Variants in MMRN1 observed in about 807,000 individuals in gnomAD.
The protein encoded by MMRN1 is multimerin 1.
Under a neutral mutation model 100.7 loss-of-function variants are expected in MMRN1, and 94 were observed. That is an observed-to-expected ratio of 0.93 (90% CI 0.79 to 1.11). The LOEUF (loss-of-function observed/expected upper bound fraction) is 1.11. Ranked by LOEUF, MMRN1 falls within the 50% of genes least tolerant of loss-of-function variation. The pLI, the probability that MMRN1 is intolerant of heterozygous loss-of-function variation, is 0.00. For synonymous variants in MMRN1, 575 were observed against 505.0 expected, an observed-to-expected ratio of 1.14 and a Z score of -1.86; for missense variants, 1,606 against 1,439.1, an observed-to-expected ratio of 1.12 and a Z score of -1.88.
chr4:89,883,952 T>A (rs185854642), intron 1 of MMRN1, among the ~76,000 whole-genome samples: 1,696 of 152,232 alleles, frequency 0.011, 35 homozygotes, highest in African/African-American at 0.038. Flanking sequence ...TTCATTTTTT[T>A]AAATTCACGT....
intron 6 of MMRN1, among the ~76,000 whole-genome samples, chr4:89,944,905 A>G (rs995635602): frequency 6.6e-6 from 1 of 152,188 alleles, no homozygotes; most frequent in Non-Finnish European, 1.5e-5. Flanking sequence ...ATGTTGATAG[A>G]TAGCCTATGA....
chr4:89,927,496 A>G (rs1007559587), intron 4 of MMRN1, among the ~76,000 whole-genome samples: 3 of 151,990 alleles, frequency 2.0e-5, no homozygotes, highest in Admixed American at 6.6e-5. Context: ...TCATTTATCT[A>G]TTCTAATAGT....
intron 1 of MMRN1, among the ~76,000 whole-genome samples, chr4:89,889,581 C>G (rs74664209): frequency 0.026 from 3,897 of 152,232 alleles, 84 homozygotes; most frequent in Non-Finnish European, 0.04. Flanking sequence ...ATTACAAAGT[C>G]CGCCTTCTAG....
At chr4:89,941,036 A>C (rs538742773) in intron 6 of MMRN1, among the ~76,000 whole-genome samples, 9 of 152,296 alleles carry the variant, frequency 5.9e-5, no homozygotes, top group African/African-American at 1.9e-4. Context: ...ACTGAAAATA[A>C]ATGTCAAAGA....
intron 1 of MMRN1, among the ~76,000 whole-genome samples, chr4:89,899,359 A>C (rs545749963): frequency 3.4e-4 from 51 of 152,218 alleles, no homozygotes; most frequent in Admixed American, 9.2e-4. Flanking sequence ...ATGTTGAACA[A>C]ATATTTGCTG....
At chr4:89,904,039 A>G (rs1445602538) in intron 1 of MMRN1, among the ~76,000 whole-genome samples, 6 of 151,706 alleles carry the variant, frequency 4.0e-5, no homozygotes, top group Non-Finnish European at 5.9e-5. Context: ...CTGATCTACG[A>G]GGTGAAAAAA....
intron 1 of MMRN1, among the ~76,000 whole-genome samples, chr4:89,888,584 C>A (rs191899923): frequency 6.6e-6 from 1 of 152,038 alleles, no homozygotes; most frequent in African/African-American, 2.4e-5. Flanking sequence ...GTGTGCTAAA[C>A]CATATGAAAT....
At chr4:89,883,522 G>C (rs1720867390) in intron 1 of MMRN1, among the ~76,000 whole-genome samples, 1 of 152,088 alleles carries the variant, frequency 6.6e-6, no homozygotes, top group Admixed American at 6.6e-5. Context: ...TCACATGTCT[G>C]TTAGCCAGTT....
upstream of MMRN1, among the ~76,000 whole-genome samples, chr4:89,890,899 T>G (rs2110574722): frequency 6.6e-6 from 1 of 152,130 alleles, no homozygotes; most frequent in South Asian, 2.1e-4. Flanking sequence ...TAAACTAATA[T>G]GTTTCTCTCA....
chr4:89,934,136 T>C (rs752242617), intron 5 of MMRN1, among the ~76,000 whole-genome samples: 38 of 152,202 alleles, frequency 2.5e-4, no homozygotes, highest in Admixed American at 7.9e-4. Flanking sequence ...TTTTCTCTTC[T>C]CTTTTTGTTA....
rs1481736765 is a variant in MMRN1 at position 89,936,211 on chromosome 4, T to A, written c.2531T>A (p.Leu844Ter). Residue 844 changes from leucine (L) to a stop codon, truncating the protein, a stop_gained, in exon 6 of 8, where the codon TTG becomes TAG. Transcript: ENST00000264790. LOFTEE classifies it high-confidence loss of function. ...AAATACCAGCAAAATATGAGTCATT[T>A]GGAAGAAAAACTACTCTTAACTACC... is the stretch of plus-strand genomic sequence containing the variant. ...VRKYQQNMSHLEEKLLLTTKI... is the reference protein window; with the variant it reads ...VRKYQQNMSH 6.2e-7 allele frequency: 1 copy of A among 1,606,044 alleles called. No individual in the cohort carries two copies. The highest frequency in any genetic ancestry group is 8.5e-7 in the Non-Finnish European group (1 of 1,177,902).
At chr4:89,949,117 A>G (rs934693359) in intron 6 of MMRN1, among the ~76,000 whole-genome samples, 10 of 152,198 alleles carry the variant, frequency 6.6e-5, no homozygotes, top group South Asian at 2.1e-4. Flanking sequence ...GCTCCTGGAC[A>G]TTAAATAGCA....
At chr4:89,881,155 G>A (rs566527933) in intron 1 of MMRN1, among the ~76,000 whole-genome samples, 3 of 152,016 alleles carry the variant, frequency 2.0e-5, no homozygotes, top group Non-Finnish European at 4.4e-5. Context: ...AACACAGTTT[G>A]CATACAGTAA....
intron 5 of MMRN1, among the ~76,000 whole-genome samples, chr4:89,931,513 A>G (rs546686324): frequency 3.3e-5 from 5 of 150,684 alleles, no homozygotes; most frequent in East Asian, 1.9e-4. Context: ...CATTATAGTC[A>G]TTGATTATTG....
intron 1 of MMRN1, among the ~76,000 whole-genome samples, chr4:89,902,331 AAAAT>A (rs1008723484): frequency 1.3e-3 from 198 of 151,564 alleles, no homozygotes; most frequent in African/African-American, 4.6e-3. Context: ...TATAATAAAA[AAAAT>A]AAATAAATAA....
intron 5 of MMRN1, among the ~76,000 whole-genome samples, chr4:89,931,492 T>A (rs532856481): frequency 2.2e-4 from 33 of 150,712 alleles, no homozygotes; most frequent in Middle Eastern, 3.4e-3. Flanking sequence ...CATTGTATTG[T>A]GTGTATTTTA....
chr4:89,920,341 A>G (rs1722048678), intron 3 of MMRN1, among the ~76,000 whole-genome samples: 3 of 152,106 alleles, frequency 2.0e-5, no homozygotes, highest in African/African-American at 2.4e-5. Context: ...AAGTGATTTT[A>G]TTTCTGAGAC....
intron 1 of MMRN1, among the ~76,000 whole-genome samples, chr4:89,897,295 G>A (rs914599287): frequency 1.3e-5 from 2 of 151,074 alleles, no homozygotes; most frequent in Non-Finnish European, 2.9e-5. Context: ...TGCAATCTTC[G>A]ACTCCCAGGT....
chr4:89,914,757 C>T (rs1721861122), intron 3 of MMRN1, among the ~76,000 whole-genome samples: 1 of 151,328 alleles, frequency 6.6e-6, no homozygotes, highest in South Asian at 2.1e-4. Context: ...ACACTTAAAT[C>T]TGTTTTATAA....
Sources: allele counts gnomAD v4.1 joint callset (sites outside exome capture counted in the v4.1 genomes callset), GRCh38; gene constraint gnomAD v4.1.1; transcripts MANE v1.5; gene names NCBI Gene and HGNC (gene_info 2026-07-23, HGNC 2026-07-21).